Variants in SORBS2 observed in about 807,000 individuals in gnomAD.
SORBS2 encodes the protein sorbin and SH3 domain containing 2.
Under a neutral mutation model 97.7 loss-of-function variants are expected in SORBS2, and 46 were observed. The observed-to-expected ratio is 0.47, with a 90% CI of 0.37 to 0.60. The LOEUF is 0.60. Among genes scored for constraint, SORBS2 ranks in the 20% least tolerant of loss-of-function variants. The probability of loss-of-function intolerance (pLI) is 0.00; values close to 1 mark genes in which losing one functional copy is unlikely to be tolerated. For synonymous variants in SORBS2, 476 were observed against 473.4 expected, an observed-to-expected ratio of 1.01 and a Z score of -0.07; for missense variants, 1,316 against 1,282.3, an observed-to-expected ratio of 1.03 and a Z score of -0.40.
intron 1 of SORBS2, among the ~76,000 whole-genome samples, chr4:185,852,050 A>G (rs951855363): frequency 6.6e-6 from 1 of 152,218 alleles, no homozygotes; most frequent in African/African-American, 2.4e-5. Flanking sequence ...CCAGAAGATA[A>G]TTGTTTGATG....
At chr4:185,774,785 C>T (rs186651311) in intron 2 of SORBS2, 1 of 151,896 alleles carries the variant, frequency 6.6e-6, no homozygotes, top group Admixed American at 6.6e-5. Flanking sequence ...GAACATTATA[C>T]AATACGGCTC....
chr4:185,882,843 T>A (rs961573531), intron 1 of SORBS2, among the ~76,000 whole-genome samples: 1 of 152,176 alleles, frequency 6.6e-6, no homozygotes, highest in Non-Finnish European at 1.5e-5. Context: ...AACACATAAT[T>A]CTGGAGCTTG....
At chr4:185,655,060 T>C (rs1038901434) in intron 1 of SORBS2, among the ~76,000 whole-genome samples, 1 of 152,236 alleles carries the variant, frequency 6.6e-6, no homozygotes, top group East Asian at 1.9e-4. Flanking sequence ...CTGGCCTTAA[T>C]GACACAATCT....
intron 2 of SORBS2, among the ~76,000 whole-genome samples, chr4:185,691,791 C>T (rs2098100516): frequency 6.6e-6 from 1 of 152,094 alleles, no homozygotes; most frequent in Non-Finnish European, 1.5e-5. Flanking sequence ...GTCGCCCAGG[C>T]TGGAGTGCAG....
rs2099210218 is a variant in SORBS2 at position 185,839,527 on chromosome 4, A to G, written c.-337-64161T>C. Among the ~76,000 whole-genome samples, 3 of 152,298 alleles carry G rather than the reference A, an allele frequency of 2.0e-5. 1 individual carries two copies. In the South Asian group the frequency reaches 6.2e-4, roughly 32 times the overall value. On this transcript the variant is annotated intron_variant, in intron 1 of 20. Coordinates refer to the SORBS2 transcript ENST00000284776. ...TATTCTGCAGTCAGAGTTCCCAAGA[A>G]CAAGCCGGAGCACACTGAGCGCTCC...
chr4:185,846,109 G>C (rs1314582855), intron 1 of SORBS2, among the ~76,000 whole-genome samples: 1 of 152,210 alleles, frequency 6.6e-6, no homozygotes, highest in Non-Finnish European at 1.5e-5. Context: ...AATATTTATA[G>C]AGGCTATATT....
rs374978942 is a variant in SORBS2, at chr4:185,590,242, A to G, written c.2847-457T>C. Among the ~76,000 whole-genome samples the G allele has an allele frequency of 9.2e-5, 14 of 152,364 alleles. No homozygotes were observed. The East Asian group carries it at 2.1e-3, about 23-fold the overall frequency. The stretch of plus-strand genomic sequence containing the variant: ...TTTAGCTAGCCATAATCAGAAGCAA[A>G]TAATGGGGGCTTGAGAATTGAATTT... On this transcript the variant is annotated intron_variant, in intron 13 of 14. Transcript: ENST00000418609.
intron 1 of SORBS2, among the ~76,000 whole-genome samples, chr4:185,779,628 C>A (rs918712412): frequency 1.2e-4 from 19 of 152,236 alleles, no homozygotes; most frequent in African/African-American, 4.3e-4. Context: ...TTGAGAGGAT[C>A]CCAGTAGGAA....
intron 12 of SORBS2, among the ~76,000 whole-genome samples, chr4:185,596,812 C>A (rs987150627): frequency 1.3e-5 from 2 of 151,886 alleles, no homozygotes; most frequent in Non-Finnish European, 2.9e-5. Flanking sequence ...GGATTACAGG[C>A]GTGAGTCACT....
chr4:185,761,349 T>A (rs563654420), intron 2 of SORBS2: 2 of 152,388 alleles, frequency 1.3e-5, no homozygotes, highest in African/African-American at 4.8e-5. Flanking sequence ...ACTCCTTTGA[T>A]ATTTACATAG....
At chr4:185,655,374 A>G (rs2097381424) in intron 1 of SORBS2, among the ~76,000 whole-genome samples, 1 of 152,250 alleles carries the variant, frequency 6.6e-6, no homozygotes, top group Non-Finnish European at 1.5e-5. Context: ...ATGAGAAAGA[A>G]AAACAACCTT....
chr4:185,805,320 A>G (rs895642409), intron 1 of SORBS2, among the ~76,000 whole-genome samples: 1 of 152,142 alleles, frequency 6.6e-6, no homozygotes, highest in African/African-American at 2.4e-5. Context: ...AAATCAGAAA[A>G]ATGTCTGAAT....
intron 2 of SORBS2, among the ~76,000 whole-genome samples, chr4:185,746,514 A>G (rs2098761827): frequency 6.6e-6 from 1 of 152,028 alleles, no homozygotes; most frequent in South Asian, 2.1e-4. Context: ...ACAGAGTTTC[A>G]CCATGTTGGC....
chr4:185,764,494 T>G (rs1423411417), intron 2 of SORBS2, among the ~76,000 whole-genome samples: 2 of 152,168 alleles, frequency 1.3e-5, no homozygotes, highest in Non-Finnish European at 2.9e-5. Context: ...CTAAATTCAT[T>G]TTCTCTTTGA....
upstream of SORBS2, among the ~76,000 whole-genome samples, chr4:185,658,797 CA>C (rs1268633992): frequency 1.3e-5 from 2 of 150,748 alleles, no homozygotes; most frequent in Non-Finnish European, 2.9e-5. Flanking sequence ...TCTCCTGCCT[CA>C]GCCTCCAGAG....
intron 1 of SORBS2, among the ~76,000 whole-genome samples, chr4:185,920,803 A>T (rs1286427062): frequency 6.6e-6 from 1 of 152,266 alleles, no homozygotes; most frequent in Non-Finnish European, 1.5e-5. Flanking sequence ...AGTGAAAGAA[A>T]AAGTGAGACA....
chr4:185,783,676 C>A (rs1387865091), intron 1 of SORBS2, among the ~76,000 whole-genome samples: 1 of 152,082 alleles, frequency 6.6e-6, no homozygotes, highest in Non-Finnish European at 1.5e-5. Flanking sequence ...AGACTGGTCT[C>A]CAGTGGCAGG....
At chr4:185,841,325 G>T (rs1405197878) in intron 1 of SORBS2, among the ~76,000 whole-genome samples, 1 of 152,184 alleles carries the variant, frequency 6.6e-6, no homozygotes, top group South Asian at 2.1e-4. Flanking sequence ...AAGGTTGGGG[G>T]GAGATTAGTG....
In SORBS2 at chr4:185,781,611, C is replaced by T. The variant is rs376633165; in HGVS notation, c.-337-6245G>A. Among the ~76,000 whole-genome samples the T allele has an allele frequency of 2.8e-3, 355 of 127,642 alleles. 1 individual carries two copies. Among genetic ancestry groups the T allele is most frequent in the African/African-American group, 9.3e-3 (321 of 34,676 alleles). The allele number at this position is 127,642 out of a possible 152,430, so 83.7% of individuals were successfully genotyped here. ...CCTCCAGCCTCCCTTCCCTTGCCTC[C>T]GGCCCCTCCAGCCTCCCTTCCATTG... On this transcript the variant is annotated intron_variant, in intron 1 of 20. Coordinates refer to the SORBS2 transcript ENST00000284776.
Sources: gnomAD v4.1 joint callset for allele counts (sites outside exome capture counted in the v4.1 genomes callset) on GRCh38, gnomAD v4.1.1 for gene constraint, MANE v1.5 for transcripts, NCBI Gene and HGNC (gene_info 2026-07-23, HGNC 2026-07-21) for gene names.